Variants in ROBO2 observed in about 807,000 individuals in gnomAD.
The protein encoded by ROBO2 is roundabout guidance receptor 2.
Under a neutral mutation model 160.8 loss-of-function variants are expected in ROBO2, and 53 were observed. That is an observed-to-expected ratio of 0.33 (90% confidence interval 0.26 to 0.41). The LOEUF is 0.41. Ranked by LOEUF, ROBO2 falls within the 10% of genes least tolerant of loss-of-function variation. ROBO2 has a pLI of 1.00. For missense variants in ROBO2, 1,577 were observed against 1,722.4 expected (o/e 0.92, Z 1.49); for synonymous variants, 664 against 611.7 (o/e 1.09, Z -1.26).
chr3:77,061,800 A>G (rs566795661), intron 1 of ROBO2, among the ~76,000 whole-genome samples: 1 of 152,284 alleles, frequency 6.6e-6, no homozygotes, highest in African/African-American at 2.4e-5. Flanking sequence ...GGGTGGAACC[A>G]ATTAACATAT....
intron 2 of ROBO2, among the ~76,000 whole-genome samples, chr3:76,531,795 T>C (rs941811576): frequency 6.6e-6 from 1 of 152,174 alleles, no homozygotes; most frequent in Non-Finnish European, 1.5e-5. Flanking sequence ...GTTTTAAGAA[T>C]AAACATTAAA....
At chr3:75,924,079 C>G (rs1437171747) in intron 1 of ROBO2, among the ~76,000 whole-genome samples, 1 of 152,046 alleles carries the variant, frequency 6.6e-6, no homozygotes, top group Non-Finnish European at 1.5e-5. Context: ...TATTTCCTTG[C>G]CATAGGTAAT....
intron 2 of ROBO2, among the ~76,000 whole-genome samples, chr3:75,986,784 A>T (rs946728724): frequency 2.0e-5 from 3 of 151,400 alleles, no homozygotes; most frequent in African/African-American, 7.2e-5. Context: ...TTGTTTCACC[A>T]CCATCCCACC....
chr3:77,181,140 C>T (rs987992161), intron 2 of ROBO2, among the ~76,000 whole-genome samples: 4 of 152,072 alleles, frequency 2.6e-5, no homozygotes, highest in African/African-American at 9.7e-5. Context: ...CTTAATGCTT[C>T]CCACCTGTTG....
chr3:76,567,763 C>CTGTGTG (rs71101900), intron 2 of ROBO2, among the ~76,000 whole-genome samples: 7,261 of 88,272 alleles, frequency 0.082, 384 homozygotes, highest in Non-Finnish European at 0.095. Context: ...ATATATCTGT[C>CTGTGTG]TGTGTGTGTG....
chr3:77,449,352 G>A (rs749764298), intron 2 of ROBO2, among the ~76,000 whole-genome samples: 7 of 152,144 alleles, frequency 4.6e-5, no homozygotes, highest in South Asian at 2.1e-4. Context: ...TTAAATATGC[G>A]TATGGGGTAA....
intron 2 of ROBO2, among the ~76,000 whole-genome samples, chr3:76,433,059 T>A (rs1283670855): frequency 1.3e-5 from 2 of 152,208 alleles, no homozygotes; most frequent in Non-Finnish European, 2.9e-5. Context: ...TTTGCCAAAG[T>A]GCCAATCTTT....
At chr3:76,533,014 T>C (rs755669279) in intron 2 of ROBO2, among the ~76,000 whole-genome samples, 1 of 152,262 alleles carries the variant, frequency 6.6e-6, no homozygotes, top group African/African-American at 2.4e-5. Context: ...TACTTTCATC[T>C]TGTTTTATAT....
chr3:76,533,121 A>ATGCATGCCTTTAAATAAT (rs2082313768), intron 2 of ROBO2, among the ~76,000 whole-genome samples: 1 of 152,230 alleles, frequency 6.6e-6, no homozygotes, highest in African/African-American at 2.4e-5. Flanking sequence ...TTTAAAATGT[A>ATGCATGCCTTTAAATAAT]TGCATGCCTT....
At chr3:76,804,450 T>C (rs982874880) in intron 2 of ROBO2, among the ~76,000 whole-genome samples, 25 of 152,186 alleles carry the variant, frequency 1.6e-4, no homozygotes, top group African/African-American at 6.0e-4. Context: ...AGAAACGATG[T>C]CATAAATCAG....
chr3:76,933,764 A>G (rs1163107559), intron 2 of ROBO2, among the ~76,000 whole-genome samples: 1 of 152,202 alleles, frequency 6.6e-6, no homozygotes, highest in Non-Finnish European at 1.5e-5. Flanking sequence ...AAATTAGTTT[A>G]GGGACAAATG....
At chr3:76,950,655 G>A (rs1033375535) in intron 2 of ROBO2, among the ~76,000 whole-genome samples, 5 of 152,088 alleles carry the variant, frequency 3.3e-5, no homozygotes, top group African/African-American at 1.2e-4. Flanking sequence ...GACAGGATAC[G>A]CAGCTGTCTG....
intron 2 of ROBO2, among the ~76,000 whole-genome samples, chr3:77,012,767 T>G (rs1336955804): frequency 6.6e-6 from 1 of 152,234 alleles, no homozygotes; most frequent in East Asian, 1.9e-4. Flanking sequence ...AATTCAAATG[T>G]CTGGGATTTA....
chr3:76,580,001 C>G (rs1310788196), intron 2 of ROBO2, among the ~76,000 whole-genome samples: 1 of 152,098 alleles, frequency 6.6e-6, no homozygotes, highest in Non-Finnish European at 1.5e-5. Context: ...CCCTTATACT[C>G]TTTGCTAGAG....
At chr3:77,096,816 C>T (rs868310055) in intron 1 of ROBO2, among the ~76,000 whole-genome samples, 1 of 152,090 alleles carries the variant, frequency 6.6e-6, no homozygotes, top group East Asian at 1.9e-4. Flanking sequence ...GTCACTGGTA[C>T]GATCTATCTT....
intron 2 of ROBO2, among the ~76,000 whole-genome samples, chr3:77,303,677 T>C (rs1026379462): frequency 2.6e-5 from 4 of 152,112 alleles, no homozygotes; most frequent in African/African-American, 9.7e-5. Flanking sequence ...GTTGTGTTAA[T>C]TAATCCAATT....
chr3:76,339,122 A>T (rs987532846), intron 2 of ROBO2, among the ~76,000 whole-genome samples: 1 of 152,178 alleles, frequency 6.6e-6, no homozygotes, highest in Non-Finnish European at 1.5e-5. Flanking sequence ...TATGTCCTTT[A>T]AACTTATCTA....
chr3:77,447,742 C>T (rs1175906717), intron 2 of ROBO2, among the ~76,000 whole-genome samples: 1 of 152,044 alleles, frequency 6.6e-6, no homozygotes, highest in Non-Finnish European at 1.5e-5. Context: ...TCAACGTTGA[C>T]TAATTAAAAA....
intron 2 of ROBO2, among the ~76,000 whole-genome samples, chr3:77,406,920 G>GAAATGCA (rs2076298006): frequency 3.9e-5 from 6 of 152,218 alleles, no homozygotes; most frequent in Admixed American, 3.9e-4. Context: ...CTTGCATTTC[G>GAAATGCA]AGTTCAGGTT....
Sources: gnomAD v4.1 joint callset for allele counts (sites outside exome capture counted in the v4.1 genomes callset) on GRCh38, gnomAD v4.1.1 for gene constraint, MANE v1.5 for transcripts, NCBI Gene and HGNC (gene_info 2026-07-23, HGNC 2026-07-21) for gene names.